Variants in PIKFYVE observed in about 807,000 individuals in gnomAD.
PIKFYVE encodes the protein 1-phosphatidylinositol 3-phosphate 5-kinase.
A neutral mutation model predicts 257.9 loss-of-function variants in PIKFYVE; 122 were observed. That is an observed-to-expected ratio of 0.47 (90% CI 0.41 to 0.55). PIKFYVE has a LOEUF of 0.55. Among genes scored for constraint, PIKFYVE ranks in the 20% least tolerant of loss-of-function variants. The probability of loss-of-function intolerance (pLI) is 0.00; values close to 1 mark genes in which losing one functional copy is unlikely to be tolerated. For missense variants in PIKFYVE, 2,160 were observed against 2,536.6 expected (o/e 0.85, Z 3.19); for synonymous variants, 892 against 868.9 (o/e 1.03, Z -0.47).
intron 38 of PIKFYVE, 117 bp from the exon 39 acceptor site, chr2:208,352,529 TCAAAGTCC>T: frequency 1.8e-6 from 2 of 1,125,786 alleles, no homozygotes; most frequent in Admixed American, 2.6e-5. Context: ...TGAGTTTTTT[TCAAAGTCC>T]TTTGGTCATA....
chr2:208,312,375 G>A, intron 13 of PIKFYVE, 80 bp downstream of exon 13: 1 of 1,095,484 alleles, frequency 9.1e-7, no homozygotes. Flanking sequence ...ACATTGATTA[G>A]CACAGAGAAG....
chr2:208,283,333 C>G (rs1029209418), intron 5 of PIKFYVE, among the ~76,000 whole-genome samples: 15 of 152,150 alleles, frequency 9.9e-5, no homozygotes, highest in Non-Finnish European at 2.2e-4. Flanking sequence ...GATGGCAGGG[C>G]TGTATCTCAT....
chr2:208,349,206 T>C (rs2125795757), intron 35 of PIKFYVE, among the ~76,000 whole-genome samples: 1 of 152,190 alleles, frequency 6.6e-6, no homozygotes, highest in East Asian at 1.9e-4. Context: ...TGACTAGTAA[T>C]TAAGATATCT....
intron 2 of PIKFYVE, among the ~76,000 whole-genome samples, chr2:208,273,295 A>C (rs192736349): frequency 6.6e-6 from 1 of 151,984 alleles, no homozygotes; most frequent in Non-Finnish European, 1.5e-5. Context: ...CCTTCTTTGA[A>C]TTTTCTTTTT....
intron 12 of PIKFYVE, among the ~76,000 whole-genome samples, chr2:208,311,569 G>C (rs1328383830): frequency 6.6e-6 from 1 of 152,168 alleles, no homozygotes; most frequent in East Asian, 1.9e-4. Context: ...GGGAAGTAAA[G>C]AGTAAGTTTC....
intron 16 of PIKFYVE, 40 bp downstream of exon 16, chr2:208,317,981 T>C (rs746318635): frequency 2.1e-5 from 33 of 1,571,646 alleles, no homozygotes; most frequent in Non-Finnish European, 2.7e-5. Context: ...CAGCAAACCA[T>C]GGCTGTGTGC....
chr2:208,271,702 T>C lies in PIKFYVE; in HGVS notation c.172+11T>C, dbSNP rs748513945. On this transcript the variant is annotated intron_variant, in intron 2 of 41. Coordinates refer to ENST00000264380, the MANE Select transcript of PIKFYVE (RefSeq NM_015040.4). ...TTCGTTTTAACAAAGGTAAGACTTA[T>C]TAAAGATAAGAGGTTTGATTCAGGT... 10 of 1,608,202 alleles carry C rather than the reference T, an allele frequency of 6.2e-6. No individual in the cohort carries two copies. Among genetic ancestry groups the C allele is most frequent in the South Asian group, 5.5e-5 (5 of 90,960 alleles).
In PIKFYVE at chr2:208,279,904, C is replaced by G. The variant is rs550499451; in HGVS notation, c.613+2196C>G. Among the ~76,000 whole-genome samples, 5 of 152,244 alleles carry G rather than the reference C, an allele frequency of 3.3e-5. No individual in the cohort carries two copies. In the East Asian group the frequency reaches 9.6e-4, roughly 29 times the overall value. On this transcript the variant is annotated intron_variant, in intron 5 of 41. Transcript: ENST00000264380. ...AAAGAGCCTGAATAGCCAAAACAAT[C>G]CTAAGCAAAAAGAACAAGGCAGGAG...
rs1301705505 is a variant in PIKFYVE, at chr2:208,352,753, A to G, written c.5815A>G (p.Asn1939Asp). 6.2e-7 allele frequency: 1 copy of G among 1,613,692 alleles called. No homozygotes were observed. The part of the protein sequence containing the change: ...EKKLDLLVME[N>D]LFYGRKMAQV... ...GAAGTTAGATCTCCTTGTCATGGAA[A>G]ATCTTTTCTACGGGAGAAAGATGGC... is the stretch of plus-strand genomic sequence containing the variant. The change falls in exon 39 of 42, where the codon AAT becomes GAT. Residue 1939 changes from asparagine (N) to aspartate (D), a missense_variant. Transcript: ENST00000264380.
intron 5 of PIKFYVE, among the ~76,000 whole-genome samples, chr2:208,285,065 CATTTT>C (rs944350980): frequency 2.9e-4 from 13 of 45,444 alleles, no homozygotes; most frequent in African/African-American, 1.1e-3. Context: ...TTGGGATATA[CATTTT>C]GTTTTGTTTT....
intron 17 of PIKFYVE, among the ~76,000 whole-genome samples, chr2:208,322,699 ATATT>A (rs1696397929): frequency 6.6e-6 from 1 of 151,200 alleles, no homozygotes; most frequent in Non-Finnish European, 1.5e-5. Flanking sequence ...ATATATATAT[ATATT>A]TTTTTTATTA....
At chr2:208,322,327 G>A (rs2125546825) in intron 17 of PIKFYVE, among the ~76,000 whole-genome samples, 1 of 147,364 alleles carries the variant, frequency 6.8e-6, no homozygotes, top group South Asian at 2.2e-4. Context: ...GAGCTATGAC[G>A]GCACCTCTGC....
In PIKFYVE at chr2:208,338,528, T is replaced by A; in HGVS notation, c.4632T>A (p.Ser1544=). Residue 1544 remains serine, a synonymous_variant, in exon 29 of 42, where the codon TCT becomes TCA. Coordinates refer to ENST00000264380, the MANE Select transcript of PIKFYVE (RefSeq NM_015040.4). ...EESKISAMDA[S]PRNISPGLQN... is the part of the protein sequence containing the mutation. Reference sequence around the variant, plus strand: ...TACAGATAAGTGCGATGGATGCATCTCCACGGAATATTTCTCCAGGACTTC... The same window carrying A: ...TACAGATAAGTGCGATGGATGCATCACCACGGAATATTTCTCCAGGACTTC... 1 of 1,613,504 alleles carries A rather than the reference T, an allele frequency of 6.2e-7. No homozygotes were observed. The highest frequency in any genetic ancestry group is 8.5e-7 in the Non-Finnish European group (1 of 1,179,498).
intron 12 of PIKFYVE, among the ~76,000 whole-genome samples, chr2:208,306,931 C>CCA (rs1297659178): frequency 6.6e-6 from 1 of 152,126 alleles, no homozygotes; most frequent in African/African-American, 2.4e-5. Flanking sequence ...GTGCGCACCA[C>CCA]CATGCCTGGC....
At chr2:208,291,467 A>G (rs1431215765) in intron 7 of PIKFYVE, among the ~76,000 whole-genome samples, 1 of 152,122 alleles carries the variant, frequency 6.6e-6, no homozygotes, top group Non-Finnish European at 1.5e-5. Flanking sequence ...TTTTGGTATT[A>G]GGGAAATCCT....
At position 208,304,849 on chromosome 2, in the gene PIKFYVE, C is replaced by G. The variant is rs780466702; in HGVS notation, c.1472C>G (p.Ser491Cys). The G allele has an allele frequency of 6.2e-7, 1 of 1,614,000 alleles. No individual in the cohort carries two copies. The highest frequency in any genetic ancestry group is 1.7e-5 in the Admixed American group (1 of 60,022). Residue 491 changes from serine (S) to cysteine (C), a missense_variant, in exon 12 of 42, where the codon TCT becomes TGT. By Grantham distance (112) the Ser-to-Cys change is moderately radical. Transcript: ENST00000264380. ...AEEGDDNLAN[S>C]ASPSKRTSVS... ...TTCCCCTTCCCAACACTAAAAGATT[C>G]TGCCAGTCCTAGCAAGCGCACATCA...
At position 208,325,137 on chromosome 2, in the gene PIKFYVE, G is replaced by A; in HGVS notation, c.2458+100G>A. 4 of 1,578,598 alleles carry A rather than the reference G, an allele frequency of 2.5e-6. No individual in the cohort carries two copies. The African/African-American group carries it at 4.0e-5, about 16-fold the overall frequency. On this transcript the variant is annotated intron_variant, in intron 19 of 41. Transcript: ENST00000264380. ...AAATACCTATTAATAGTGGGTAAGT[G>A]AGGATAGGCAACTGTGATCTTATTC...
chr2:208,292,904 C>T (rs1476914822), intron 7 of PIKFYVE, among the ~76,000 whole-genome samples: 1 of 150,534 alleles, frequency 6.6e-6, no homozygotes, highest in African/African-American at 2.4e-5. Context: ...AGACTATTGA[C>T]ATTTAAGGTG....
chr2:208,268,222 A>G (rs544729092), intron 1 of PIKFYVE, among the ~76,000 whole-genome samples: 4 of 152,270 alleles, frequency 2.6e-5, no homozygotes, highest in African/African-American at 9.6e-5. Context: ...TACACTTGCT[A>G]AGTGTTTTCA....
Sources: allele counts gnomAD v4.1 joint callset (sites outside exome capture counted in the v4.1 genomes callset), GRCh38; gene constraint gnomAD v4.1.1; transcripts MANE v1.5; gene names NCBI Gene and HGNC (gene_info 2026-07-23, HGNC 2026-07-21).